ITIH1: variants seen among roughly 807,000 people sequenced by gnomAD.
ITIH1 encodes inter-alpha-trypsin inhibitor heavy chain 1.
ITIH1 carries 94 observed loss-of-function variants against 104.6 expected under a neutral mutation model. That is an observed-to-expected ratio of 0.90 (90% confidence interval 0.76 to 1.07). The LOEUF (loss-of-function observed/expected upper bound fraction) is 1.07. Among genes scored for constraint, ITIH1 ranks in the 50% least tolerant of loss-of-function variants. ITIH1 has a pLI of 0.00. For missense variants in ITIH1, 1,193 were observed against 1,181.4 expected (o/e 1.01, Z -0.14); for synonymous variants, 455 against 464.4 (o/e 0.98, Z 0.26).
chr3:52,780,461 C>A, intron 6 of ITIH1, 79 bp downstream of exon 6: 1 of 975,764 alleles, frequency 1.0e-6, no homozygotes, highest in Non-Finnish European at 1.6e-6. Context: ...AATGTCCAGC[C>A]TTAGCCCAGA....
chr3:52,789,859 C>A lies in ITIH1; in HGVS notation c.2321+5C>A, dbSNP rs750962539. 1 of 1,613,922 alleles carries A rather than the reference C, an allele frequency of 6.2e-7. No homozygotes were observed. Among genetic ancestry groups the A allele is most frequent in the East Asian group, 2.2e-5 (1 of 44,844 alleles). On this transcript the variant is annotated splice_donor_5th_base_variant and intron_variant, in intron 19 of 21. Transcript: ENST00000273283. ...AGCTGTGCTGCGGCAGGACGGGTAA[C>A]CTGCCAGGGCCTGGGCAAGATGCAG... is the stretch of plus-strand genomic sequence containing the variant.
At chr3:52,789,266 G>A (rs1379018816) in intron 18 of ITIH1, among the ~76,000 whole-genome samples, 1 of 152,210 alleles carries the variant, frequency 6.6e-6, no homozygotes, top group Non-Finnish European at 1.5e-5. Context: ...AGGGTGGGAA[G>A]GGGGCTTTGT....
At chr3:52,782,113 G>A in intron 7 of ITIH1, 38 bp from the exon 8 acceptor site, 2 of 1,614,128 alleles carry the variant, frequency 1.2e-6, no homozygotes, top group Non-Finnish European at 1.7e-6. Context: ...GGCAAGGGGT[G>A]CTGTGAGAGT....
intron 6 of ITIH1, 83 bp from the exon 7 acceptor site, chr3:52,781,851 ACACACG>A (rs1699066557): frequency 6.5e-7 from 1 of 1,531,436 alleles, no homozygotes. Flanking sequence ...ACACACACAC[ACACACG>A]CATGCCTTCT....
At chr3:52,780,430 C>T (rs1463645198) in intron 6 of ITIH1, 48 bp downstream of exon 6, 2 of 1,287,936 alleles carry the variant, frequency 1.6e-6, no homozygotes, top group South Asian at 2.5e-5. Flanking sequence ...GGAGACTTCT[C>T]AGCCTGCCCA....
chr3:52,783,444 G>A (rs1699115712), intron 10 of ITIH1, 105 bp downstream of exon 10: 1 of 1,295,922 alleles, frequency 7.7e-7, no homozygotes, highest in Non-Finnish European at 1.1e-6. Context: ...TCAGGGGGCA[G>A]AAAAGCTCAG....
chr3:52,791,735 G>C (rs762577213), intron 21 of ITIH1, 47 bp from the exon 22 acceptor site: 101 of 1,606,094 alleles, frequency 6.3e-5, no homozygotes, highest in Non-Finnish European at 8.5e-5. Context: ...GGGAGGTGCT[G>C]CCCTACTGGT....
chr3:52,787,709 T>C (rs958290981), intron 16 of ITIH1, 97 bp downstream of exon 16: 20 of 1,351,574 alleles, frequency 1.5e-5, no homozygotes, highest in African/African-American at 2.9e-5. Flanking sequence ...TCACTGCTTG[T>C]CACTGGGAAT....
At chr3:52,778,734 A>T in intron 3 of ITIH1, 1 of 1,370,774 alleles carries the variant, frequency 7.3e-7, no homozygotes, top group Non-Finnish European at 9.6e-7. Flanking sequence ...GCTAGAACCC[A>T]AGGAGCCAAG....
chr3:52,778,193 C>T, intron 2 of ITIH1, 147 bp from the exon 3 acceptor site: 2 of 1,097,886 alleles, frequency 1.8e-6, no homozygotes, highest in Admixed American at 1.8e-5. Flanking sequence ...ACGGTCTCAG[C>T]CAGAGAGCAG....
intron 18 of ITIH1, 95 bp downstream of exon 18, chr3:52,788,440 C>T: frequency 2.4e-6 from 2 of 838,838 alleles, no homozygotes; most frequent in Non-Finnish European, 1.9e-6. Context: ...GCCCTCACTG[C>T]CCTCTGCCTG....
Position 52,791,635 on chromosome 3 carries a change from G to C in ITIH1, c.2606+7G>C. On this transcript the variant is annotated splice_region_variant and intron_variant, in intron 21 of 21. Coordinates refer to ENST00000273283, the MANE Select transcript of ITIH1 (RefSeq NM_002215.4). ...GCCGGCTCACGGTCACCAGGTGGGT[G>C]GGCTGCTTGCCCAGCACGTCTGCCC... 6.2e-7 allele frequency: 1 copy of C among 1,613,258 alleles called. No individual in the cohort carries two copies. Among genetic ancestry groups the C allele is most frequent in the East Asian group, 2.2e-5 (1 of 44,880 alleles).
At chr3:52,778,704 C>A in intron 3 of ITIH1, 198 bp downstream of exon 3, 1 of 1,424,148 alleles carries the variant, frequency 7.0e-7, no homozygotes, top group Non-Finnish European at 9.2e-7. Flanking sequence ...CAAACTGGGA[C>A]CCATCACAGC....
intron 17 of ITIH1, 52 bp downstream of exon 17, chr3:52,788,118 C>G (rs757948123): frequency 2.6e-6 from 4 of 1,538,540 alleles, no homozygotes. Flanking sequence ...CCCACCCTAT[C>G]TGGCTGTCTC....
chr3:52,789,939 T>A, intron 19 of ITIH1, 85 bp downstream of exon 19: 2 of 1,382,336 alleles, frequency 1.4e-6, no homozygotes. Context: ...CCCTCGTCCC[T>A]GAGCCATGTC....
At chr3:52,782,670 A>G (rs906075726) in intron 8 of ITIH1, among the ~76,000 whole-genome samples, 43 of 152,200 alleles carry the variant, frequency 2.8e-4, no homozygotes, top group Middle Eastern at 3.4e-3. Flanking sequence ...ACATGGCTGG[A>G]CAAGGAGTAT....
In ITIH1 at chr3:52,784,344, G is replaced by A. The variant is rs1699143277; in HGVS notation, c.1274G>A (p.Arg425Gln). 7.4e-6 allele frequency: 12 copies of A among 1,614,134 alleles called. No homozygotes were observed. Among genetic ancestry groups the A allele is most frequent in the East Asian group, 4.5e-5 (2 of 44,874 alleles). Residue 425 changes from arginine to glutamine, a missense_variant, in exon 11 of 22, where the codon CGG becomes CAG. By Grantham distance (43) the Arg-to-Gln change is conservative. Coordinates refer to ENST00000273283, the MANE Select transcript of ITIH1 (RefSeq NM_002215.4). ...CTCAAGAACGTCCGCAACGCCATCC[G>A]GGGCAGGTTCCCGCTCTACAACCTG... ...QILKNVRNAI[R>Q]GRFPLYNLGF...
chr3:52,777,668 C>G lies in ITIH1; in HGVS notation c.53C>G (p.Ser18Cys). 3 of 1,606,676 alleles carry G rather than the reference C, an allele frequency of 1.9e-6. No homozygotes were observed. The highest frequency in any genetic ancestry group is 1.3e-5 in the African/African-American group (1 of 74,752). Residue 18 changes from serine (S) to cysteine (C), a missense_variant, in exon 1 of 22, where the codon TCT (serine) becomes TGT (cysteine). Physicochemically the swap from Ser to Cys is moderately radical, Grantham distance 112. Coordinates refer to ENST00000273283, the MANE Select transcript of ITIH1 (RefSeq NM_002215.4). ...CTGCTGTTGTGCATGTACCTGGTAT[C>G]TCTCCTCATCCTGCAGGCCATGCCT... ...RGLLLCMYLV[S>C]LLILQAMPAL...
rs142551669 is a variant in ITIH1 at position 52,789,724 on chromosome 3, G to A, written c.2191G>A (p.Gly731Arg). The A allele has an allele frequency of 3.8e-5, 62 of 1,614,066 alleles. No homozygotes were observed. The highest frequency in any genetic ancestry group is 2.5e-4 in the East Asian group (11 of 44,890). Reference sequence around the variant, plus strand: ...TGGGCAGCATGACGGCACGTACTTCGGGCGGCTGGGAATCGCAAACCCTGC... The same window carrying A: ...TGGGCAGCATGACGGCACGTACTTCAGGCGGCTGGGAATCGCAAACCCTGC... ...SPGQHDGTYFGRLGIANPATD... is the reference protein window; with the variant it reads ...SPGQHDGTYFRRLGIANPATD... Residue 731 changes from glycine (G) to arginine (R), a missense_variant, in exon 19 of 22, where the codon GGG (glycine) becomes AGG (arginine). By Grantham distance (125) the Gly-to-Arg change is moderately radical. Coordinates refer to ENST00000273283, the MANE Select transcript of ITIH1 (RefSeq NM_002215.4).
Sources: allele counts gnomAD v4.1 joint callset (sites outside exome capture counted in the v4.1 genomes callset), GRCh38; gene constraint gnomAD v4.1.1; transcripts MANE v1.5; gene names NCBI Gene and HGNC (gene_info 2026-07-23, HGNC 2026-07-21).